The following DGKI variants were observed in gnomAD, a reference collection of about 807,000 sequenced individuals.
DGKI encodes the protein diacylglycerol kinase iota.
A neutral mutation model predicts 147.5 loss-of-function variants in DGKI; 55 were observed. The ratio of observed to expected loss-of-function variants is 0.37; its 90% confidence interval spans 0.30 to 0.47. The LOEUF is 0.47. Ranked by LOEUF, DGKI falls within the 20% of genes least tolerant of loss-of-function variation. The pLI is 1.00. For synonymous variants in DGKI, 469 were observed against 477.1 expected, an observed-to-expected ratio of 0.98 and a Z score of 0.22; for missense variants, 1,007 against 1,323.8, an observed-to-expected ratio of 0.76 and a Z score of 3.71.
intron 14 of DGKI, among the ~76,000 whole-genome samples, chr7:137,582,416 C>T (rs1819232205): frequency 1.4e-5 from 2 of 146,642 alleles, no homozygotes; most frequent in African/African-American, 2.7e-5. Flanking sequence ...CACCCATTTT[C>T]TCTCTCTCTC....
chr7:137,719,684 A>G (rs1389011923), intron 1 of DGKI, among the ~76,000 whole-genome samples: 1 of 152,206 alleles, frequency 6.6e-6, no homozygotes, highest in Non-Finnish European at 1.5e-5. Flanking sequence ...TTACTGGTTT[A>G]CTACAGATGG....
intron 23 of DGKI, among the ~76,000 whole-genome samples, chr7:137,482,817 C>T (rs1015653179): frequency 6.6e-6 from 1 of 151,828 alleles, no homozygotes; most frequent in Admixed American, 6.6e-5. Context: ...CTTTTTTGTT[C>T]CAACCATTCC....
chr7:137,678,032 C>A (rs1306588638), intron 3 of DGKI, among the ~76,000 whole-genome samples: 1 of 152,168 alleles, frequency 6.6e-6, no homozygotes, highest in Non-Finnish European at 1.5e-5. Context: ...TCCAATTGAC[C>A]TGACTGTTGA....
At chr7:137,487,208 TA>T (rs1195706322) in intron 22 of DGKI, among the ~76,000 whole-genome samples, 1 of 152,204 alleles carries the variant, frequency 6.6e-6, no homozygotes, top group African/African-American at 2.4e-5. Context: ...AAGTTTTATT[TA>T]TTTTTTTGTT....
rs1474920436 is a variant in DGKI, at chr7:137,381,842, A to C, written c.*9378T>G. The C allele has an allele frequency of 6.6e-6, 1 of 152,136 alleles. No individual in the cohort carries two copies. Among genetic ancestry groups the C allele is most frequent in the Non-Finnish European group, 1.5e-5 (1 of 68,012 alleles). The allele number at this position is 152,136 out of a possible 1,614,324, so 9.4% of individuals were successfully genotyped here. ...AGAATATTTTGTCTATGAGAGTTCTAAATCTCCTTCCCCAGGATGGCAAGA... is the reference window on the plus strand; with the variant it reads ...AGAATATTTTGTCTATGAGAGTTCTCAATCTCCTTCCCCAGGATGGCAAGA... On this transcript the variant is annotated 3_prime_UTR_variant, in exon 33 of 33. Transcript: ENST00000614521.
At chr7:137,767,163 T>C (rs1170101921) in intron 1 of DGKI, among the ~76,000 whole-genome samples, 2 of 152,214 alleles carry the variant, frequency 1.3e-5, no homozygotes, top group Non-Finnish European at 2.9e-5. Context: ...TGTTCATGTA[T>C]GTGACCTGAT....
intron 6 of DGKI, among the ~76,000 whole-genome samples, chr7:137,638,085 T>C (rs1821377021): frequency 6.6e-6 from 1 of 152,120 alleles, no homozygotes; most frequent in Non-Finnish European, 1.5e-5. Context: ...TGGGAACTGC[T>C]TCCCTTACCC....
chr7:137,648,887 C>T (rs1486856318), intron 5 of DGKI, among the ~76,000 whole-genome samples: 2 of 152,098 alleles, frequency 1.3e-5, no homozygotes, highest in Non-Finnish European at 2.9e-5. Flanking sequence ...CTCTATGGCT[C>T]TACCATTTAT....
chr7:137,416,108 A>C (rs77215914), intron 28 of DGKI, among the ~76,000 whole-genome samples: 2,620 of 152,308 alleles, frequency 0.017, 76 homozygotes, highest in African/African-American at 0.06. Flanking sequence ...ACAGAGAAAG[A>C]AAGGAGAAAG....
intron 3 of DGKI, among the ~76,000 whole-genome samples, chr7:137,656,943 G>C (rs762198799): frequency 6.6e-6 from 1 of 152,138 alleles, no homozygotes; most frequent in East Asian, 1.9e-4. Context: ...TAAGGGGCAA[G>C]ACCAACATCC....
intron 1 of DGKI, among the ~76,000 whole-genome samples, chr7:137,751,951 TA>T (rs1291106216): frequency 1.3e-5 from 2 of 152,226 alleles, no homozygotes; most frequent in African/African-American, 4.8e-5. Flanking sequence ...ATCACTTTAT[TA>T]ATTATGTCTA....
At chr7:137,643,655 T>C (rs1821728901) in intron 6 of DGKI, among the ~76,000 whole-genome samples, 1 of 152,214 alleles carries the variant, frequency 6.6e-6, no homozygotes, top group South Asian at 2.1e-4. Context: ...GCTGTGCTCA[T>C]GGCATGATGG....
rs1563040218 is a variant in DGKI, at chr7:137,472,348, T to TATG, written c.2374-2730_2374-2729insCAT. On this transcript the variant is annotated intron_variant, in intron 23 of 32. Transcript: ENST00000614521. The stretch of plus-strand genomic sequence containing the variant: ...TTATATGTATATATACATATAATTA[T>TATG]TATATGTATATATACATATAATTAT... 1.0e-4 allele frequency among the ~76,000 whole-genome samples: 12 copies of TATG among 118,682 alleles called. 1 individual carries two copies. Among genetic ancestry groups the TATG allele is most frequent in the African/African-American group, 4.9e-4 (12 of 24,478 alleles). The allele number at this position is 118,682 out of a possible 152,430, so 77.9% of individuals were successfully genotyped here.
chr7:137,838,349 T>C (rs1382828203), intron 1 of DGKI, among the ~76,000 whole-genome samples: 3 of 152,108 alleles, frequency 2.0e-5, no homozygotes, highest in Non-Finnish European at 4.4e-5. Flanking sequence ...CTCTGACACA[T>C]CCATAAGGAC....
chr7:137,439,264 G>A lies in DGKI; in HGVS notation c.2761+4813C>T, dbSNP rs561383252. Among the ~76,000 whole-genome samples the A allele has an allele frequency of 1.1e-4, 17 of 152,256 alleles. No individual in the cohort carries two copies. In the South Asian group the frequency reaches 1.7e-3, roughly 15 times the overall value. ...TGATGCCTCAAAGAGTTTGGGCCAC[G>A]CCACAGTGTGTTTCACTGCATAACT... On this transcript the variant is annotated intron_variant, in intron 28 of 32. Coordinates refer to ENST00000614521, the MANE Select transcript of DGKI (RefSeq NM_001321708.2).
chr7:137,440,013 C>T (rs73459196), intron 28 of DGKI, among the ~76,000 whole-genome samples: 1,616 of 152,266 alleles, frequency 0.011, 31 homozygotes, highest in African/African-American at 0.037. Context: ...AGTGAAGCAG[C>T]GGTAAGCGCA....
At chr7:137,689,790 T>A (rs1823541752) in intron 2 of DGKI, 104 bp downstream of exon 2, 1 of 765,330 alleles carries the variant, frequency 1.3e-6, no homozygotes. Flanking sequence ...CAGGCAATGT[T>A]GAAAATTATT....
intron 1 of DGKI, among the ~76,000 whole-genome samples, chr7:137,744,610 A>G (rs1563177927): frequency 6.6e-6 from 1 of 152,176 alleles, no homozygotes; most frequent in Non-Finnish European, 1.5e-5. Flanking sequence ...CTATAGGCCA[A>G]TATCCCTGAT....
rs539871729 is a variant in DGKI at position 137,818,030 on chromosome 7, C to T, written c.401+28432G>A. The stretch of plus-strand genomic sequence containing the variant: ...ACACACTATCAATGACATTGTCTTA[C>T]AGCATGAGAATCATATAGAAACCGT... On this transcript the variant is annotated intron_variant, in intron 1 of 32. Transcript: ENST00000614521. Among the ~76,000 whole-genome samples, 4 of 152,282 alleles carry T rather than the reference C, an allele frequency of 2.6e-5. No individual in the cohort carries two copies. The South Asian group carries it at 8.3e-4, about 32-fold the overall frequency.
Sources: allele counts gnomAD v4.1 joint callset (sites outside exome capture counted in the v4.1 genomes callset), GRCh38; gene constraint gnomAD v4.1.1; transcripts MANE v1.5; gene names NCBI Gene and HGNC (gene_info 2026-07-23, HGNC 2026-07-21).